Variants in CACNA1D observed in about 807,000 individuals in gnomAD.
CACNA1D encodes voltage-dependent L-type calcium channel subunit alpha-1D.
CACNA1D carries 55 observed loss-of-function variants against 257.1 expected under a neutral mutation model. That is an observed-to-expected ratio of 0.21 (90% CI 0.17 to 0.27). CACNA1D has a LOEUF of 0.27. Among genes scored for constraint, CACNA1D ranks in the 10% least tolerant of loss-of-function variants. The pLI is 1.00. For synonymous variants in CACNA1D, 980 were observed against 1,014.9 expected (o/e 0.97, Z 0.65); for missense variants, 1,876 against 2,784.0 (o/e 0.67, Z 7.34).
At chr3:53,692,161 A>G (rs1319108737) in intron 8 of CACNA1D, among the ~76,000 whole-genome samples, 1 of 151,454 alleles carries the variant, frequency 6.6e-6, no homozygotes, top group African/African-American at 2.4e-5. Context: ...GGGGTTTGTG[A>G]TAAGGAACCA....
At chr3:53,784,055 C>T (rs559127118) in intron 39 of CACNA1D, among the ~76,000 whole-genome samples, 168 of 152,340 alleles carry the variant, frequency 1.1e-3, no homozygotes, top group Admixed American at 1.7e-3. Context: ...TGGCCTGGCT[C>T]CTCATGAGCC....
At chr3:53,639,046 C>A (rs1559452088) in intron 3 of CACNA1D, among the ~76,000 whole-genome samples, 1 of 152,208 alleles carries the variant, frequency 6.6e-6, no homozygotes, top group South Asian at 2.1e-4. Context: ...TCTCTTCAAA[C>A]CAGAGGGCAC....
intron 25 of CACNA1D, 78 bp downstream of exon 25, chr3:53,745,953 CAGA>C (rs2095164703): frequency 8.5e-7 from 1 of 1,173,494 alleles, no homozygotes. Context: ...GTTGGCACGT[CAGA>C]AGTTTTGGTC....
At chr3:53,604,582 G>A (rs527330373) in intron 3 of CACNA1D, among the ~76,000 whole-genome samples, 81 of 151,806 alleles carry the variant, frequency 5.3e-4, no homozygotes, top group Non-Finnish European at 8.4e-4. Flanking sequence ...ACATCTAGCA[G>A]CTGGCTTGGT....
At chr3:53,653,942 G>T (rs1231094213) in intron 4 of CACNA1D, among the ~76,000 whole-genome samples, 8 of 152,084 alleles carry the variant, frequency 5.3e-5, no homozygotes. Context: ...CCTTAAAACA[G>T]AGAAAAGAAA....
chr3:53,552,625 CCCGCCTCGGCCT>C (rs1461135919), intron 3 of CACNA1D, among the ~76,000 whole-genome samples: 5 of 152,212 alleles, frequency 3.3e-5, no homozygotes, highest in African/African-American at 1.2e-4. Flanking sequence ...AAGTGATCTG[CCCGCCTCGGCCT>C]CCCAAAGTGC....
intron 3 of CACNA1D, among the ~76,000 whole-genome samples, chr3:53,605,048 G>A (rs1312051538): frequency 1.3e-5 from 2 of 152,084 alleles, no homozygotes; most frequent in African/African-American, 4.8e-5. Flanking sequence ...ATGAAACAGG[G>A]ACATTATTAA....
Position 53,813,075 on chromosome 3 carries a change from T to C in CACNA1D, c.*1669T>C, listed in dbSNP as rs1258530016. The C allele has an allele frequency of 6.6e-6, 1 of 151,738 alleles. No individual in the cohort carries two copies. The highest frequency in any genetic ancestry group is 2.4e-5 in the African/African-American group (1 of 41,234). The allele number at this position is 151,738 out of a possible 1,614,324, so 9.4% of individuals were successfully genotyped here. On this transcript the variant is annotated 3_prime_UTR_variant, in exon 48 of 48. Transcript: ENST00000350061. ...GATTCCCTGCAATCAAAAAGATAGA[T>C]GATAGGTAGCAATTTTGGTCCAAAA...
intron 20 of CACNA1D, among the ~76,000 whole-genome samples, chr3:53,740,066 G>A (rs1375544113): frequency 1.3e-5 from 2 of 152,190 alleles, no homozygotes; most frequent in Non-Finnish European, 2.9e-5. Context: ...GTCGGTGAGT[G>A]GTTAAAGGAG....
intron 3 of CACNA1D, among the ~76,000 whole-genome samples, chr3:53,515,954 A>G (rs555977652): frequency 5.6e-4 from 86 of 152,238 alleles, no homozygotes; most frequent in African/African-American, 2.0e-3. Context: ...CCGTATCAGG[A>G]GAGTGGAGAC....
intron 3 of CACNA1D, among the ~76,000 whole-genome samples, chr3:53,608,079 C>G (rs1257697813): frequency 6.6e-6 from 1 of 152,118 alleles, no homozygotes; most frequent in Non-Finnish European, 1.5e-5. Flanking sequence ...GAATCTATAT[C>G]TCAATGTAGG....
chr3:53,785,316 T>C (rs2095446975), intron 39 of CACNA1D, among the ~76,000 whole-genome samples: 1 of 152,146 alleles, frequency 6.6e-6, no homozygotes, highest in African/African-American at 2.4e-5. Flanking sequence ...CCTACACCAC[T>C]CCAGGACTAT....
chr3:53,733,421 C>G (rs1023518757), intron 19 of CACNA1D, among the ~76,000 whole-genome samples: 1 of 152,050 alleles, frequency 6.6e-6, no homozygotes, highest in Non-Finnish European at 1.5e-5. Flanking sequence ...TCCTCATCCT[C>G]ATAGATCCCC....
chr3:53,499,703 C>A (rs556464128), intron 2 of CACNA1D, among the ~76,000 whole-genome samples: 1 of 152,186 alleles, frequency 6.6e-6, no homozygotes, highest in East Asian at 1.9e-4. Context: ...GCTGGTTTAT[C>A]ATTTAGGTAT....
chr3:53,795,018 C>A (rs539680991), intron 40 of CACNA1D, among the ~76,000 whole-genome samples: 1 of 152,246 alleles, frequency 6.6e-6, no homozygotes, highest in African/African-American at 2.4e-5. Flanking sequence ...CCCTTCTCCC[C>A]CTCCAGCCCC....
At chr3:53,651,038 T>C in intron 4 of CACNA1D, 120 bp downstream of exon 4, 1 of 893,598 alleles carries the variant, frequency 1.1e-6, no homozygotes, top group Non-Finnish European at 1.8e-6. Flanking sequence ...TGCCAGCTGT[T>C]GCACCAGAAC....
At chr3:53,661,581 T>A (rs1389682965) in intron 5 of CACNA1D, among the ~76,000 whole-genome samples, 1 of 152,254 alleles carries the variant, frequency 6.6e-6, no homozygotes, top group Non-Finnish European at 1.5e-5. Context: ...TATAGCTTAA[T>A]CTAATTTCAA....
At chr3:53,529,155 G>A (rs79813006) in intron 3 of CACNA1D, among the ~76,000 whole-genome samples, 2,550 of 152,166 alleles carry the variant, frequency 0.017, 85 homozygotes, top group African/African-American at 0.058. Context: ...TTCTGCATAG[G>A]TGTCCTTTAT....
intron 3 of CACNA1D, among the ~76,000 whole-genome samples, chr3:53,626,133 G>A (rs1265021364): frequency 6.6e-6 from 1 of 152,174 alleles, no homozygotes; most frequent in Admixed American, 6.5e-5. Context: ...TAATTAAAAG[G>A]GGGACCCCTC....
Sources: gnomAD v4.1 joint callset for allele counts (sites outside exome capture counted in the v4.1 genomes callset) on GRCh38, gnomAD v4.1.1 for gene constraint, MANE v1.5 for transcripts, NCBI Gene and HGNC (gene_info 2026-07-23, HGNC 2026-07-21) for gene names.